The following CDK6 variants were observed in gnomAD, a reference collection of about 807,000 sequenced individuals.
CDK6 encodes the protein cyclin-dependent kinase 6.
In CDK6, 6 loss-of-function variants were observed where a neutral mutation model predicts 37.1. The observed-to-expected ratio is 0.16, with a 90% CI of 0.09 to 0.32. The LOEUF is 0.32. Among genes scored for constraint, CDK6 ranks in the 10% least tolerant of loss-of-function variants. The probability of loss-of-function intolerance (pLI) is 1.00; values close to 1 mark genes in which losing one functional copy is unlikely to be tolerated. For missense variants in CDK6, 224 were observed against 418.9 expected, an observed-to-expected ratio of 0.53 and a Z score of 4.06; for synonymous variants, 160 against 161.3, an observed-to-expected ratio of 0.99 and a Z score of 0.06.
At chr7:92,673,021 A>G (rs929784233) in intron 4 of CDK6, among the ~76,000 whole-genome samples, 1 of 152,210 alleles carries the variant, frequency 6.6e-6, no homozygotes, top group African/African-American at 2.4e-5. Flanking sequence ...GAGACTACCA[A>G]TGTTAGGTCA....
intron 7 of CDK6, among the ~76,000 whole-genome samples, chr7:92,617,096 A>G (rs746785568): frequency 6.6e-6 from 1 of 152,214 alleles, no homozygotes; most frequent in African/African-American, 2.4e-5. Context: ...GGTAGATTGG[A>G]TAACTTTTAG....
chr7:92,689,502 G>A (rs532841962), intron 4 of CDK6, among the ~76,000 whole-genome samples: 5 of 152,282 alleles, frequency 3.3e-5, no homozygotes, highest in South Asian at 4.1e-4. Context: ...ATCACTGATG[G>A]TCATTTGGGT....
At chr7:92,704,784 G>C (rs1206920930) in intron 4 of CDK6, among the ~76,000 whole-genome samples, 4 of 152,160 alleles carry the variant, frequency 2.6e-5, no homozygotes, top group Non-Finnish European at 5.9e-5. Context: ...TACAAACAAT[G>C]CTGCAGAGTA....
intron 2 of CDK6, among the ~76,000 whole-genome samples, chr7:92,807,481 A>C (rs1800757843): frequency 2.0e-5 from 3 of 151,698 alleles, no homozygotes. Flanking sequence ...TATCTACATA[A>C]TTATATGTAA....
intron 3 of CDK6, among the ~76,000 whole-genome samples, chr7:92,761,807 T>G (rs1455790385): frequency 6.6e-6 from 1 of 152,242 alleles, no homozygotes; most frequent in Non-Finnish European, 1.5e-5. Context: ...TCATGTGTGA[T>G]GCTCTCATAA....
At position 92,833,449 on chromosome 7, in the gene CDK6, C is replaced by G; in HGVS notation, c.-126G>C. Reference sequence around the variant, plus strand: ...TCGGTCTAGCTTTACTTGCTCCCCGCCGGCTCAGGCGCTCGGGCGCTGGGG... The same window carrying G: ...TCGGTCTAGCTTTACTTGCTCCCCGGCGGCTCAGGCGCTCGGGCGCTGGGG... On this transcript the variant is annotated 5_prime_UTR_variant, in exon 2 of 8. Coordinates refer to ENST00000424848, the MANE Select transcript of CDK6 (RefSeq NM_001145306.2). The surrounding 1 kb of genome is among the most constrained non-coding windows in gnomAD (Gnocchi z 6.1). The G allele has an allele frequency of 4.6e-6, 3 of 654,990 alleles. No homozygotes were observed. The South Asian group carries it at 6.2e-5, about 14-fold the overall frequency. 40.6% of individuals were successfully genotyped at this position (654,990 alleles called of 1,614,324 possible). A position where few individuals can be genotyped will look rare whatever the true frequency, so the allele number is the denominator to read the frequency against.
chr7:92,753,374 A>G (rs956880097), intron 3 of CDK6, among the ~76,000 whole-genome samples: 1 of 152,208 alleles, frequency 6.6e-6, no homozygotes, highest in African/African-American at 2.4e-5. Flanking sequence ...GTGATCTAAC[A>G]TTTGAAAAAT....
intron 5 of CDK6, among the ~76,000 whole-genome samples, chr7:92,653,508 T>C (rs1229165287): frequency 6.6e-6 from 1 of 152,250 alleles, no homozygotes; most frequent in African/African-American, 2.4e-5. Flanking sequence ...GAGCTGCAGC[T>C]TCTGGATTAA....
At chr7:92,819,895 G>C (rs1801128003) in intron 2 of CDK6, among the ~76,000 whole-genome samples, 1 of 151,750 alleles carries the variant, frequency 6.6e-6, no homozygotes, top group Non-Finnish European at 1.5e-5. Context: ...ATTAAAAGAA[G>C]AGACACAGAG....
chr7:92,736,022 T>C (rs1798778171), intron 3 of CDK6, among the ~76,000 whole-genome samples: 3 of 152,184 alleles, frequency 2.0e-5, no homozygotes, highest in Admixed American at 6.5e-5. Context: ...GAAAGAGCAC[T>C]GGGTTTTGAG....
intron 5 of CDK6, among the ~76,000 whole-genome samples, chr7:92,658,117 T>G (rs1195898012): frequency 6.6e-6 from 1 of 152,194 alleles, no homozygotes; most frequent in Non-Finnish European, 1.5e-5. Context: ...TTTCTTCATC[T>G]TTGAGAATCT....
chr7:92,755,966 G>A (rs1332688104), intron 3 of CDK6, among the ~76,000 whole-genome samples: 2 of 152,068 alleles, frequency 1.3e-5, no homozygotes, highest in Non-Finnish European at 2.9e-5. Context: ...AGAACCTCAT[G>A]TTCAAGCCCA....
intron 4 of CDK6, among the ~76,000 whole-genome samples, chr7:92,693,536 G>A (rs1463708109): frequency 6.6e-6 from 1 of 152,028 alleles, no homozygotes; most frequent in Non-Finnish European, 1.5e-5. Flanking sequence ...AGTTTATACA[G>A]GTATATTCTA....
chr7:92,610,217 A>C lies in CDK6; in HGVS notation c.*4923T>G, dbSNP rs42035. 2.6e-5 allele frequency: 6 copies of C among 232,082 alleles called. No individual in the cohort carries two copies. The East Asian group carries it at 3.7e-4, about 14-fold the overall frequency. The allele number at this position is 232,082 out of a possible 1,614,324, so 14.4% of individuals were successfully genotyped here. On this transcript the variant is annotated 3_prime_UTR_variant, in exon 8 of 8. Coordinates refer to ENST00000424848, the MANE Select transcript of CDK6 (RefSeq NM_001145306.2). ...CACATCAACTTCAAATTGCTGTAACAGTATTTCAGCAGATGCTCGAAAAGA... is the reference window on the plus strand; with the variant it reads ...CACATCAACTTCAAATTGCTGTAACCGTATTTCAGCAGATGCTCGAAAAGA...
Position 92,833,399 on chromosome 7 carries a change from C to T in CDK6, c.-76G>A, listed in dbSNP as rs1584133089. On this transcript the variant is annotated 5_prime_UTR_variant, in exon 2 of 8. Coordinates refer to ENST00000424848, the MANE Select transcript of CDK6 (RefSeq NM_001145306.2). The surrounding 1 kb of genome is among the most constrained non-coding windows in gnomAD (Gnocchi z 6.1). ...GCTCAACTAGCTGGCGGCCGCCGCT[C>T]GCCTACTCCGGGGCTCCCCGGAGAT... is the stretch of plus-strand genomic sequence containing the variant. The T allele has an allele frequency of 9.6e-6, 10 of 1,040,422 alleles. No homozygotes were observed. Among genetic ancestry groups the T allele is most frequent in the African/African-American group, 6.5e-5 (4 of 61,088 alleles). The allele number at this position is 1,040,422 out of a possible 1,614,324, so 64.4% of individuals were successfully genotyped here.
At chr7:92,816,320 C>A (rs780885256) in intron 2 of CDK6, among the ~76,000 whole-genome samples, 1 of 151,848 alleles carries the variant, frequency 6.6e-6, no homozygotes, top group African/African-American at 2.4e-5. Context: ...ATGCCCAAGG[C>A]CTTAAAGGAA....
At chr7:92,619,716 G>A (rs1040377019) in intron 6 of CDK6, among the ~76,000 whole-genome samples, 2 of 151,782 alleles carry the variant, frequency 1.3e-5, no homozygotes, top group Admixed American at 1.3e-4. Flanking sequence ...TTCTCTGCCT[G>A]GGTGTCTGGG....
chr7:92,826,053 C>A (rs1172690554), intron 2 of CDK6, among the ~76,000 whole-genome samples: 1 of 152,084 alleles, frequency 6.6e-6, no homozygotes, highest in Non-Finnish European at 1.5e-5. Context: ...CCTTGACACT[C>A]CTTAGTATTA....
intron 2 of CDK6, among the ~76,000 whole-genome samples, chr7:92,783,625 A>G (rs567740470): frequency 1.3e-5 from 2 of 152,342 alleles, no homozygotes; most frequent in Admixed American, 6.5e-5. Context: ...CTAGGAGTTA[A>G]TATCTTCTGA....
Sources: gnomAD v4.1 joint callset for allele counts (sites outside exome capture counted in the v4.1 genomes callset) on GRCh38, gnomAD v4.1.1 for gene constraint, Gnocchi (gnomAD v3.1) non-coding constraint, MANE v1.5 for transcripts, NCBI Gene and HGNC (gene_info 2026-07-23, HGNC 2026-07-21) for gene names.